Variants in TSGA10 observed in about 807,000 individuals in gnomAD.
TSGA10 encodes testis specific 10.
In TSGA10, 43 loss-of-function variants were observed where a neutral mutation model predicts 96.6. The ratio of observed to expected loss-of-function variants is 0.44; its 90% CI spans 0.35 to 0.57. The LOEUF (loss-of-function observed/expected upper bound fraction) is 0.57. TSGA10 is among the 20% of genes least tolerant of loss of function. The probability of loss-of-function intolerance (pLI) is 0.01; values close to 1 mark genes in which losing one functional copy is unlikely to be tolerated. For missense variants in TSGA10, 703 were observed against 834.4 expected (o/e 0.84, Z 1.94); for synonymous variants, 229 against 269.9 (o/e 0.85, Z 1.48).
chr2:99,070,537 C>A (rs1239378594), intron 14 of TSGA10, among the ~76,000 whole-genome samples: 1 of 152,030 alleles, frequency 6.6e-6, no homozygotes, highest in Non-Finnish European at 1.5e-5. Context: ...GTATCAAAAA[C>A]ATGGGGGCTT....
intron 13 of TSGA10, 48 bp from the exon 14 acceptor site, chr2:99,071,922 C>A: frequency 6.6e-7 from 1 of 1,505,852 alleles, no homozygotes; most frequent in South Asian, 1.3e-5. Context: ...TTTACTGAAA[C>A]AGAGCAACAA....
rs183935201 is a variant in TSGA10, at chr2:99,039,945, G to A, written c.1405-4506C>T. Reference sequence around the variant, plus strand: ...TCATGATCAAATGGGTTTCATATCAGGGATGCAGGGATGGTTTAACGTAAG... The same window carrying A: ...TCATGATCAAATGGGTTTCATATCAAGGATGCAGGGATGGTTTAACGTAAG... On this transcript the variant is annotated intron_variant, in intron 16 of 20. Transcript: ENST00000393483. Among the ~76,000 whole-genome samples, 346 of 152,306 alleles carry A rather than the reference G, an allele frequency of 2.3e-3. 1 individual carries two copies. Among genetic ancestry groups the A allele is most frequent in the Admixed American group, 4.1e-3 (63 of 15,306 alleles).
At chr2:99,004,658 C>T (rs1192817701) in intron 20 of TSGA10, among the ~76,000 whole-genome samples, 2 of 151,892 alleles carry the variant, frequency 1.3e-5, no homozygotes, top group Admixed American at 6.6e-5. Context: ...AAATAGCTTA[C>T]CAACCAAAAA....
chr2:99,078,884 G>A (rs993292142), intron 11 of TSGA10, 71 bp from the exon 12 acceptor site: 70 of 1,340,362 alleles, frequency 5.2e-5, no homozygotes, highest in Admixed American at 3.0e-4. Context: ...GCAGATTATC[G>A]TACTTTTTGA....
At chr2:99,124,787 GT>G in intron 2 of TSGA10, 1 of 151,804 alleles carries the variant, frequency 6.6e-6, no homozygotes, top group African/African-American at 2.4e-5. Flanking sequence ...GGGTTTCACC[GT>G]GTTAGCCAGG....
intron 10 of TSGA10, among the ~76,000 whole-genome samples, chr2:99,089,616 G>C (rs902697183): frequency 6.6e-6 from 1 of 152,138 alleles, no homozygotes; most frequent in African/African-American, 2.4e-5. Flanking sequence ...TGGGAGCTGG[G>C]TGAGGCCTGT....
At chr2:99,143,967 A>G (rs544791437) in intron 1 of TSGA10, among the ~76,000 whole-genome samples, 3 of 151,892 alleles carry the variant, frequency 2.0e-5, no homozygotes, top group Non-Finnish European at 2.9e-5. Context: ...CTCCAATTCC[A>G]TATGTGTTAA....
At chr2:99,143,144 T>C (rs2105119715) in intron 1 of TSGA10, among the ~76,000 whole-genome samples, 1 of 129,798 alleles carries the variant, frequency 7.7e-6, no homozygotes, top group East Asian at 2.2e-4. Context: ...TTTTTTTTTT[T>C]TTTTTTTTTT....
chr2:99,024,952 A>G (rs1558761024), intron 17 of TSGA10, among the ~76,000 whole-genome samples: 1 of 152,136 alleles, frequency 6.6e-6, no homozygotes, highest in African/African-American at 2.4e-5. Context: ...TTGATTTTTC[A>G]GTTGTTAAAC....
At chr2:99,019,198 A>C (rs2079796952) in intron 18 of TSGA10, among the ~76,000 whole-genome samples, 1 of 152,210 alleles carries the variant, frequency 6.6e-6, no homozygotes, top group Non-Finnish European at 1.5e-5. Flanking sequence ...CCACTCACAC[A>C]GAACATTCTA....
intron 10 of TSGA10, among the ~76,000 whole-genome samples, chr2:99,097,338 G>A (rs939620780): frequency 6.6e-6 from 1 of 152,024 alleles, no homozygotes; most frequent in African/African-American, 2.4e-5. Flanking sequence ...GCAACAAAAG[G>A]AATGAAGGGC....
chr2:99,022,082 C>G (rs1573545561), intron 17 of TSGA10, among the ~76,000 whole-genome samples: 1 of 152,036 alleles, frequency 6.6e-6, no homozygotes, highest in Admixed American at 6.6e-5. Context: ...TCCCAGCACT[C>G]TGGGAGGCCA....
intron 20 of TSGA10, among the ~76,000 whole-genome samples, chr2:99,000,313 C>T (rs904190254): frequency 1.3e-5 from 2 of 151,018 alleles, no homozygotes; most frequent in African/African-American, 4.9e-5. Flanking sequence ...TTCGAGACCA[C>T]CCTGCCCAAC....
intron 1 of TSGA10, among the ~76,000 whole-genome samples, chr2:99,131,848 G>A (rs959044038): frequency 2.6e-5 from 4 of 151,984 alleles, no homozygotes; most frequent in South Asian, 2.1e-4. Context: ...GAATTTTATC[G>A]AAGGCCTTTT....
At chr2:99,046,737 G>A (rs1338087363) in intron 16 of TSGA10, among the ~76,000 whole-genome samples, 1 of 151,996 alleles carries the variant, frequency 6.6e-6, no homozygotes. Context: ...AAGAACTGAA[G>A]GATATAGAGA....
chr2:98,999,512 T>C (rs916757276), intron 20 of TSGA10, among the ~76,000 whole-genome samples: 2 of 152,020 alleles, frequency 1.3e-5, no homozygotes, highest in Non-Finnish European at 2.9e-5. Context: ...GAGTAAAAGA[T>C]TAAGTGAGAA....
intron 16 of TSGA10, among the ~76,000 whole-genome samples, chr2:99,044,339 G>A (rs1208723994): frequency 2.8e-5 from 3 of 108,030 alleles, no homozygotes; most frequent in Non-Finnish European, 5.3e-5. Context: ...TATTTACCAA[G>A]CAAATGGAAA....
Position 99,009,750 on chromosome 2 carries a change from T to A in TSGA10, c.2072+8450A>T, listed in dbSNP as rs145840043. Among the ~76,000 whole-genome samples the A allele has an allele frequency of 4.1e-3, 624 of 152,172 alleles. 4 individuals carry two copies. The highest frequency in any genetic ancestry group is 0.014 in the African/African-American group (593 of 41,522). On this transcript the variant is annotated intron_variant, in intron 20 of 20. Transcript: ENST00000393483. ...TTCTCACTGTAGAAGAAAGAACATA[T>A]ATATAAGTAATGGAAGAAAGCAAGG...
chr2:99,068,981 C>G lies in TSGA10; in HGVS notation c.1125G>C (p.Leu375Phe), dbSNP rs1375835653. Residue 375 changes from leucine to phenylalanine, a missense_variant, in exon 15 of 21, where the codon TTG becomes TTC. By Grantham distance (22) the Leu-to-Phe change is conservative (BLOSUM62 0). Around this residue, in one of 3 missense-constraint regions of TSGA10, gnomAD observed 585 missense variants for 656.8 expected, o/e 0.89. Transcript: ENST00000393483. ...KQENQALSKK[L>F]NDTHNELNDI... ...CATTAAGTTCATTATGAGTGTCATT[C>G]AATTTTTTGGACAGTGCCTACGAAA... The G allele has an allele frequency of 6.8e-7, 1 of 1,461,820 alleles. No individual in the cohort carries two copies. Among genetic ancestry groups the G allele is most frequent in the Non-Finnish European group, 9.0e-7 (1 of 1,111,538 alleles). The allele number at this position is 1,461,820 out of a possible 1,614,324, so 90.6% of individuals were successfully genotyped here. A position where few individuals can be genotyped will look rare whatever the true frequency, so the allele number is the denominator to read the frequency against.
Sources: gnomAD v4.1 joint callset for allele counts (sites outside exome capture counted in the v4.1 genomes callset) on GRCh38, gnomAD v4.1.1 for gene constraint, gnomAD v4.1.1 regional missense constraint, MANE v1.5 for transcripts, NCBI Gene and HGNC (gene_info 2026-07-23, HGNC 2026-07-21) for gene names.